Variants in GIGYF2 observed in about 807,000 individuals in gnomAD.
GIGYF2 encodes the protein GRB10 interacting GYF protein 2.
Under a neutral mutation model 208.1 loss-of-function variants are expected in GIGYF2, and 25 were observed. The observed-to-expected ratio is 0.12, with a 90% CI of 0.09 to 0.17. The LOEUF is 0.17. GIGYF2 is among the 10% of genes least tolerant of loss of function. The probability of loss-of-function intolerance (pLI) is 1.00; values close to 1 mark genes in which losing one functional copy is unlikely to be tolerated. For missense variants in GIGYF2, 1,302 were observed against 1,579.4 expected, an observed-to-expected ratio of 0.82 and a Z score of 2.98; for synonymous variants, 534 against 543.8, an observed-to-expected ratio of 0.98 and a Z score of 0.25.
intron 27 of GIGYF2, among the ~76,000 whole-genome samples, chr2:232,848,837 G>A (rs1263861590): frequency 6.6e-6 from 1 of 152,064 alleles, no homozygotes; most frequent in Non-Finnish European, 1.5e-5. Context: ...TTTCTAGAAT[G>A]ACCATAAAAG....
chr2:232,773,016 A>G (rs190115320), intron 8 of GIGYF2, among the ~76,000 whole-genome samples: 6 of 152,146 alleles, frequency 3.9e-5, no homozygotes, highest in African/African-American at 1.4e-4. Context: ...TATTTTCTTC[A>G]GATTTGAGCT....
chr2:232,790,820 G>A lies in GIGYF2; in HGVS notation c.835G>A (p.Asp279Asn). The A allele has an allele frequency of 6.2e-7, 1 of 1,614,126 alleles. No individual in the cohort carries two copies. The highest frequency in any genetic ancestry group is 8.5e-7 in the Non-Finnish European group (1 of 1,179,994). The part of the protein sequence containing the change: ...RRVRSGSGSI[D>N]DDRDSLPEWC... ...GGTTCGCTCTGGCAGTGGGAGCATA[G>A]ATGATGACAGGGATAGCTTGCCCGA... Residue 279 changes from aspartate to asparagine, a missense_variant, in exon 10 of 29, where the codon GAT (aspartate) becomes AAT (asparagine). By Grantham distance (23) the Asp-to-Asn change is conservative. This residue lies in a region of GIGYF2 where 50 missense variants were observed against 42.3 expected (regional missense o/e 1.18). Transcript: ENST00000373563.
chr2:232,809,141 C>T (rs1466987081), intron 15 of GIGYF2, among the ~76,000 whole-genome samples: 1 of 152,074 alleles, frequency 6.6e-6, no homozygotes, highest in African/African-American at 2.4e-5. Flanking sequence ...GACGGGGTTT[C>T]ATCATGTTGG....
At chr2:232,720,307 GT>G (rs1402106122) in intron 2 of GIGYF2, among the ~76,000 whole-genome samples, 1 of 152,102 alleles carries the variant, frequency 6.6e-6, no homozygotes, top group African/African-American at 2.4e-5. Flanking sequence ...GTATTCCATG[GT>G]GTATATATGC....
In GIGYF2 at chr2:232,781,040, C is replaced by T. The variant is rs1699697509; in HGVS notation, c.533-6110C>T. On this transcript the variant is annotated intron_variant, in intron 8 of 28. Coordinates refer to ENST00000373563, the MANE Select transcript of GIGYF2 (RefSeq NM_001103146.3). ...TGGCACAATCTCGGCTCACTGCAAC[C>T]TCCACCTCCCGGGTTCAAGTGATTC... Among the ~76,000 whole-genome samples the T allele has an allele frequency of 5.3e-5, 8 of 152,034 alleles. No homozygotes were observed. The South Asian group carries it at 1.7e-3, about 32-fold the overall frequency.
chr2:232,777,103 T>C (rs1405971401), intron 8 of GIGYF2, among the ~76,000 whole-genome samples: 2 of 152,148 alleles, frequency 1.3e-5, no homozygotes, highest in African/African-American at 2.4e-5. Flanking sequence ...TTTTTTTGGT[T>C]AGGAAACAAA....
intron 5 of GIGYF2, among the ~76,000 whole-genome samples, chr2:232,755,770 T>TTAGATTAGATTAGATTAGA: frequency 1.3e-5 from 2 of 152,358 alleles, no homozygotes; most frequent in South Asian, 4.1e-4. Flanking sequence ...TTCACATTGA[T>TTAGATTAGATTAGATTAGA]GTGCAGAATG....
rs1219352113 is a variant in GIGYF2, at chr2:232,857,166, C to T, written c.*306C>T. On this transcript the variant is annotated 3_prime_UTR_variant, in exon 29 of 29. Coordinates refer to ENST00000373563, the MANE Select transcript of GIGYF2 (RefSeq NM_001103146.3). ...ACTGTGCTGTGATTTCATCTACTGT[C>T]TCCCAGAAAGTGTGTTGGGATCGGC... 6.4e-6 allele frequency: 3 copies of T among 468,200 alleles called. No individual in the cohort carries two copies. Among genetic ancestry groups the T allele is most frequent in the African/African-American group, 2.0e-5 (1 of 51,060 alleles). The allele number at this position is 468,200 out of a possible 1,614,324, so 29.0% of individuals were successfully genotyped here.
chr2:232,847,659 G>T (rs200771077), intron 27 of GIGYF2, 88 bp downstream of exon 27: 58 of 1,545,518 alleles, frequency 3.8e-5, no homozygotes, highest in Non-Finnish European at 1.6e-5. Context: ...TAATACAAAG[G>T]TACCATTTTT....
chr2:232,746,692 T>G (rs1266863620), intron 3 of GIGYF2, among the ~76,000 whole-genome samples: 1 of 152,204 alleles, frequency 6.6e-6, no homozygotes, highest in Non-Finnish European at 1.5e-5. Context: ...ATATTTTTTA[T>G]TTGTCTTCTT....
intron 20 of GIGYF2, among the ~76,000 whole-genome samples, chr2:232,818,804 C>A (rs1362934190): frequency 2.0e-5 from 3 of 152,024 alleles, no homozygotes; most frequent in African/African-American, 7.2e-5. Context: ...TATTAAATTT[C>A]ATTTTATAAG....
intron 18 of GIGYF2, among the ~76,000 whole-genome samples, chr2:232,814,929 T>C (rs1212989066): frequency 2.0e-5 from 3 of 152,140 alleles, no homozygotes. Flanking sequence ...TGCTGAAAAG[T>C]GGTGCTAGAA....
intron 2 of GIGYF2, among the ~76,000 whole-genome samples, chr2:232,729,237 C>T (rs772333514): frequency 1.1e-4 from 17 of 152,180 alleles, no homozygotes; most frequent in Non-Finnish European, 2.2e-4. Flanking sequence ...GCCTCAGCTT[C>T]CCAAAGTGCT....
At position 232,857,254 on chromosome 2, in the gene GIGYF2, T is replaced by C. The variant is rs1690613001; in HGVS notation, c.*394T>C. ...CTATTTTGTTTTTTCTTCTTCTTTT[T>C]CCCCCCATCAGGGCAAATGGTCTAA... On this transcript the variant is annotated 3_prime_UTR_variant, in exon 29 of 29. Transcript: ENST00000373563. 23 of 315,412 alleles carry C rather than the reference T, an allele frequency of 7.3e-5. No individual in the cohort carries two copies. The highest frequency in any genetic ancestry group is 6.5e-4 in the South Asian group (22 of 33,614). The allele number at this position is 315,412 out of a possible 1,614,324, so 19.5% of individuals were successfully genotyped here. A position where few individuals can be genotyped will look rare whatever the true frequency, so the allele number is the denominator to read the frequency against.
intron 8 of GIGYF2, chr2:232,768,100 G>T: frequency 7.9e-7 from 1 of 1,266,714 alleles, no homozygotes; most frequent in Non-Finnish European, 1.1e-6. Flanking sequence ...GCTATAATTA[G>T]CATTGAAAAA....
At chr2:232,706,534 T>G (rs574295866) in intron 2 of GIGYF2, among the ~76,000 whole-genome samples, 8 of 152,116 alleles carry the variant, frequency 5.3e-5, no homozygotes, top group Admixed American at 1.3e-4. Context: ...TCCCATCCAT[T>G]TGGGAGGCTG....
chr2:232,843,494 C>T (rs887944135), intron 23 of GIGYF2, among the ~76,000 whole-genome samples: 2 of 145,368 alleles, frequency 1.4e-5, no homozygotes, highest in Non-Finnish European at 3.0e-5. Context: ...ACCCGGGAGG[C>T]GGAGGTTGCA....
chr2:232,701,692 G>A (rs1298296703), intron 1 of GIGYF2, among the ~76,000 whole-genome samples: 1 of 151,780 alleles, frequency 6.6e-6, no homozygotes, highest in African/African-American at 2.4e-5. Context: ...CCAAAGTGTT[G>A]AGATTATAGG....
chr2:232,843,805 C>T (rs958166061), intron 23 of GIGYF2, among the ~76,000 whole-genome samples: 4 of 152,164 alleles, frequency 2.6e-5, no homozygotes, highest in South Asian at 2.1e-4. Flanking sequence ...CCAGCCTGGG[C>T]GGAAGAGTGA....
Sources: gnomAD v4.1 joint callset for allele counts (sites outside exome capture counted in the v4.1 genomes callset) on GRCh38, gnomAD v4.1.1 for gene constraint, gnomAD v4.1.1 regional missense constraint, MANE v1.5 for transcripts, NCBI Gene and HGNC (gene_info 2026-07-23, HGNC 2026-07-21) for gene names.